The following LYRM1 variants were observed in gnomAD, a reference collection of about 807,000 sequenced individuals.
The protein encoded by LYRM1 is LYR motif-containing protein 1.
LYRM1 carries 14 observed loss-of-function variants against 14.9 expected under a neutral mutation model. The ratio of observed to expected loss-of-function variants is 0.94; its 90% CI spans 0.62 to 1.47. The LOEUF is 1.47. Among genes scored for constraint, LYRM1 ranks in the 40% most tolerant of loss-of-function variants. The pLI is 0.00. For missense variants in LYRM1, 153 were observed against 149.9 expected (o/e 1.02, Z -0.11); for synonymous variants, 43 against 56.2 (o/e 0.77, Z 1.05).
intron 1 of LYRM1, among the ~76,000 whole-genome samples, chr16:20,914,126 T>C (rs1461263068): frequency 1.3e-5 from 2 of 152,108 alleles, no homozygotes; most frequent in Admixed American, 1.3e-4. Context: ...GAAAGATTTT[T>C]AATTATACTT....
intron 2 of LYRM1, among the ~76,000 whole-genome samples, chr16:20,916,670 C>G (rs1209611277): frequency 6.6e-6 from 1 of 152,194 alleles, no homozygotes; most frequent in Non-Finnish European, 1.5e-5. Context: ...AAGGACCTCA[C>G]CACGGCTCAA....
intron 1 of LYRM1, among the ~76,000 whole-genome samples, chr16:20,913,871 G>A (rs1353502263): frequency 2.7e-5 from 4 of 150,772 alleles, no homozygotes; most frequent in Non-Finnish European, 4.4e-5. Context: ...TGCAGTGGCC[G>A]GATCTCAGCT....
chr16:20,915,645 G>T lies in LYRM1; in HGVS notation c.90G>T (p.Met30Ile). ...AATGGCAGGCGACATCAGGGCAGAT[G>T]GAAGACACCATCAAAGAAAAACAGT... is the stretch of plus-strand genomic sequence containing the variant. ...ARKWQATSGQ[M>I]EDTIKEKQYI... Residue 30 changes from methionine to isoleucine, a missense_variant, in exon 2 of 4, where the codon ATG becomes ATT. Coordinates refer to ENST00000567954, the MANE Select transcript of LYRM1 (RefSeq NM_001128302.3). 1.2e-6 allele frequency: 2 copies of T among 1,614,104 alleles called. No individual in the cohort carries two copies. Among genetic ancestry groups the T allele is most frequent in the Non-Finnish European group, 1.7e-6 (2 of 1,180,020 alleles).
intron 1 of LYRM1, among the ~76,000 whole-genome samples, chr16:20,903,714 T>C (rs2082176539): frequency 2.6e-5 from 4 of 151,964 alleles, no homozygotes; most frequent in Non-Finnish European, 5.9e-5. Context: ...ATTCAGTAGT[T>C]ATTTGATGGT....
intron 1 of LYRM1, among the ~76,000 whole-genome samples, chr16:20,913,843 C>G (rs1471122064): frequency 6.6e-6 from 1 of 151,588 alleles, no homozygotes; most frequent in East Asian, 1.9e-4. Flanking sequence ...GAGTCTCGCT[C>G]TGTCACCCAG....
chr16:20,911,468 C>T (rs1252894704), intron 1 of LYRM1, among the ~76,000 whole-genome samples: 1 of 152,130 alleles, frequency 6.6e-6, no homozygotes, highest in Non-Finnish European at 1.5e-5. Context: ...GATCATGTTC[C>T]CAAAAGCAAG....
rs1007577893 is a variant in LYRM1 at position 20,901,888 on chromosome 16, G to A, written c.-1+999G>A. Among the ~76,000 whole-genome samples, 1 of 152,224 alleles carries A rather than the reference G, an allele frequency of 6.6e-6. No homozygotes were observed. The highest frequency in any genetic ancestry group is 2.4e-5 in the African/African-American group (1 of 41,462). On this transcript the variant is annotated intron_variant, in intron 1 of 3. Coordinates refer to ENST00000567954, the MANE Select transcript of LYRM1 (RefSeq NM_001128302.3). This position sits in a 1 kb window ranked among gnomAD's most constrained non-coding sequence, Gnocchi z 4.6. ...CGCCTATAAACCCAGTACTTTGGGA[G>A]GCCTAGGCGGGCGGATCACGAGGTC...
chr16:20,920,792 G>A (rs2083146729), intron 3 of LYRM1: 1 of 152,904 alleles, frequency 6.5e-6, no homozygotes. Context: ...GGGAACTGAG[G>A]TGGGAGAATT....
chr16:20,914,914 A>G (rs1241316432), intron 1 of LYRM1, among the ~76,000 whole-genome samples: 1 of 152,250 alleles, frequency 6.6e-6, no homozygotes, highest in Non-Finnish European at 1.5e-5. Flanking sequence ...GTTATCAAAA[A>G]TATGCCTTCA....
chr16:20,903,515 A>T (rs2082166851), intron 1 of LYRM1, among the ~76,000 whole-genome samples: 2 of 152,236 alleles, frequency 1.3e-5, no homozygotes, highest in African/African-American at 4.8e-5. Context: ...GCCAGTAGCT[A>T]CCTGTGACAG....
intron 3 of LYRM1, 48 bp from the exon 4 acceptor site, chr16:20,923,952 G>A (rs542408733): frequency 2.7e-5 from 28 of 1,041,712 alleles, no homozygotes; most frequent in African/African-American, 4.7e-5. Context: ...AATATGAGCT[G>A]CTGCAATGAT....
At chr16:20,913,401 C>T (rs2152542197) in intron 1 of LYRM1, among the ~76,000 whole-genome samples, 1 of 151,536 alleles carries the variant, frequency 6.6e-6, no homozygotes, top group Non-Finnish European at 1.5e-5. Flanking sequence ...CAACCTTCAC[C>T]TCCTGGGTTC....
At chr16:20,918,741 A>G (rs1395624425) in intron 2 of LYRM1, among the ~76,000 whole-genome samples, 2 of 152,168 alleles carry the variant, frequency 1.3e-5, no homozygotes, top group Admixed American at 6.5e-5. Context: ...TAATAATCCA[A>G]AGGTATCCCA....
chr16:20,921,442 G>T (rs143758186), intron 3 of LYRM1: 2 of 151,622 alleles, frequency 1.3e-5, no homozygotes, highest in African/African-American at 2.4e-5. Flanking sequence ...TTACTCTGTC[G>T]CCCAGGCTGG....
intron 1 of LYRM1, among the ~76,000 whole-genome samples, chr16:20,914,170 A>G (rs1056423377): frequency 3.9e-5 from 6 of 152,138 alleles, no homozygotes; most frequent in Admixed American, 2.6e-4. Flanking sequence ...GATTTTGAGA[A>G]ATATTTCCAA....
intron 2 of LYRM1, among the ~76,000 whole-genome samples, chr16:20,917,197 G>A (rs957678125): frequency 6.6e-6 from 1 of 151,996 alleles, no homozygotes; most frequent in African/African-American, 2.4e-5. Context: ...CCAAACCCAG[G>A]TTCCCCAAAC....
Position 20,924,109 on chromosome 16 carries a change from T to G in LYRM1, c.362T>G (p.Val121Gly). ...KPVYLRSHDE[V>G]S is the part of the protein sequence containing the mutation. ...GTATATCTCAGATCTCATGATGAAGTTTCCTAATCTAGAGGAAAGTTTATT... is the reference window on the plus strand; with the variant it reads ...GTATATCTCAGATCTCATGATGAAGGTTCCTAATCTAGAGGAAAGTTTATT... The change falls in exon 4 of 4, where the codon GTT (valine) becomes GGT (glycine). Residue 121 changes from valine to glycine, a missense_variant. Coordinates refer to ENST00000567954, the MANE Select transcript of LYRM1 (RefSeq NM_001128302.3). The G allele has an allele frequency of 1.3e-6, 2 of 1,566,706 alleles. No homozygotes were observed. Among genetic ancestry groups the G allele is most frequent in the Non-Finnish European group, 1.8e-6 (2 of 1,142,138 alleles).
intron 3 of LYRM1, among the ~76,000 whole-genome samples, chr16:20,922,558 C>T (rs2083252752): frequency 6.6e-6 from 1 of 151,992 alleles, no homozygotes. Context: ...GGCACGATCT[C>T]GGCTCACTGC....
At chr16:20,916,350 A>T (rs528804176) in intron 2 of LYRM1, among the ~76,000 whole-genome samples, 6 of 152,090 alleles carry the variant, frequency 3.9e-5, no homozygotes, top group Admixed American at 6.5e-5. Context: ...AGCTCCGGGG[A>T]AGACCTCCCG....
Sources: gnomAD v4.1 joint callset for allele counts (sites outside exome capture counted in the v4.1 genomes callset) on GRCh38, gnomAD v4.1.1 for gene constraint, Gnocchi (gnomAD v3.1) non-coding constraint, MANE v1.5 for transcripts, NCBI Gene and HGNC (gene_info 2026-07-23, HGNC 2026-07-21) for gene names.